The following FAF1 variants were observed in gnomAD, a reference collection of about 807,000 sequenced individuals.
FAF1 encodes Fas associated factor 1.
FAF1 carries 25 observed loss-of-function variants against 92.5 expected under a neutral mutation model. The ratio of observed to expected loss-of-function variants is 0.27; its 90% CI spans 0.20 to 0.38. The LOEUF (loss-of-function observed/expected upper bound fraction) is 0.38, where lower values mean the gene tolerates loss of function less well. FAF1 is among the 10% of genes least tolerant of loss of function. The probability of loss-of-function intolerance (pLI) is 1.00; values close to 1 mark genes in which losing one functional copy is unlikely to be tolerated. For missense variants in FAF1, 636 were observed against 793.3 expected, an observed-to-expected ratio of 0.80 and a Z score of 2.38; for synonymous variants, 234 against 273.2, an observed-to-expected ratio of 0.86 and a Z score of 1.42.
At chr1:50,661,684 G>A (rs1306531189) in intron 7 of FAF1, among the ~76,000 whole-genome samples, 1 of 152,156 alleles carries the variant, frequency 6.6e-6, no homozygotes, top group African/African-American at 2.4e-5. Flanking sequence ...GAGCAAATAA[G>A]TATTTGTATG....
At chr1:50,913,930 A>G (rs373184788) in intron 1 of FAF1, among the ~76,000 whole-genome samples, 1 of 152,176 alleles carries the variant, frequency 6.6e-6, no homozygotes, top group South Asian at 2.1e-4. Context: ...TTTTTCAGGT[A>G]TCCTACCAGG....
chr1:50,708,824 T>C (rs2124429826), intron 6 of FAF1, among the ~76,000 whole-genome samples: 2 of 152,074 alleles, frequency 1.3e-5, no homozygotes, highest in Middle Eastern at 6.8e-3. Context: ...CTGTTTCAAA[T>C]AGGAGGGTGG....
intron 1 of FAF1, among the ~76,000 whole-genome samples, chr1:50,888,622 G>A (rs528867006): frequency 3.1e-4 from 46 of 147,938 alleles, no homozygotes; most frequent in African/African-American, 1.0e-3. Context: ...TTTCTGCATC[G>A]ATTAGGTTTT....
At chr1:50,683,344 T>C (rs972649145) in intron 7 of FAF1, among the ~76,000 whole-genome samples, 4 of 151,878 alleles carry the variant, frequency 2.6e-5, no homozygotes, top group East Asian at 1.9e-4. Context: ...CTGGCCAACA[T>C]GGTGAAGCCT....
intron 18 of FAF1, among the ~76,000 whole-genome samples, chr1:50,442,785 G>A (rs916359470): frequency 4.6e-5 from 7 of 152,228 alleles, no homozygotes; most frequent in Admixed American, 6.5e-5. Flanking sequence ...GCAAGGGGAA[G>A]GGGAAACTAT....
intron 1 of FAF1, among the ~76,000 whole-genome samples, chr1:50,862,389 T>C (rs1423016983): frequency 6.6e-6 from 1 of 151,780 alleles, no homozygotes; most frequent in Non-Finnish European, 1.5e-5. Context: ...TAGAGAACGC[T>C]GGATAGAGAG....
At chr1:50,952,986 G>C (rs1315757067) in intron 1 of FAF1, among the ~76,000 whole-genome samples, 2 of 152,242 alleles carry the variant, frequency 1.3e-5, no homozygotes, top group African/African-American at 4.8e-5. Flanking sequence ...AGAGAGATGG[G>C]ATTGTTGCTG....
At chr1:50,953,221 C>G (rs1195631656) in intron 1 of FAF1, among the ~76,000 whole-genome samples, 1 of 151,944 alleles carries the variant, frequency 6.6e-6, no homozygotes, top group Non-Finnish European at 1.5e-5. Context: ...CATCACCACT[C>G]CCTAATCTCA....
chr1:50,779,061 T>A (rs75971201), intron 4 of FAF1, among the ~76,000 whole-genome samples: 4,669 of 152,300 alleles, frequency 0.031, 249 homozygotes, highest in African/African-American at 0.11. Flanking sequence ...TGTTTATGCA[T>A]AGCGTCTTCA....
intron 1 of FAF1, among the ~76,000 whole-genome samples, chr1:50,907,672 T>C (rs1252107327): frequency 6.6e-6 from 1 of 152,220 alleles, no homozygotes; most frequent in Non-Finnish European, 1.5e-5. Context: ...TTCATAGAGT[T>C]GTTTATAGTA....
At chr1:50,614,616 G>T (rs1471920593) in intron 8 of FAF1, among the ~76,000 whole-genome samples, 3 of 152,098 alleles carry the variant, frequency 2.0e-5, no homozygotes, top group Admixed American at 6.5e-5. Context: ...AAGGTGGGCG[G>T]ATTACCTAAG....
intron 8 of FAF1, among the ~76,000 whole-genome samples, chr1:50,615,678 G>C (rs1291495182): frequency 6.6e-6 from 1 of 152,028 alleles, no homozygotes; most frequent in Non-Finnish European, 1.5e-5. Flanking sequence ...AGAAATGTCT[G>C]TTTATATCCT....
At chr1:50,543,557 G>A (rs909591058) in intron 13 of FAF1, among the ~76,000 whole-genome samples, 2 of 152,120 alleles carry the variant, frequency 1.3e-5, no homozygotes, top group African/African-American at 4.8e-5. Context: ...ACTTGGACTT[G>A]TGCCTAAAAT....
intron 4 of FAF1, among the ~76,000 whole-genome samples, chr1:50,769,616 C>G (rs1179005012): frequency 6.6e-6 from 1 of 152,186 alleles, no homozygotes; most frequent in East Asian, 1.9e-4. Context: ...GGACTTTATC[C>G]CTGGGATGCA....
At position 50,781,791 on chromosome 1, in the gene FAF1, TTAAG is replaced by T. The variant is rs546534658; in HGVS notation, c.367+6205_367+6208del. 1.8e-4 allele frequency among the ~76,000 whole-genome samples: 28 copies of T among 152,310 alleles called. 2 individuals are homozygous for T. The South Asian group carries it at 5.6e-3, about 30-fold the overall frequency. On this transcript the variant is annotated intron_variant, in intron 4 of 18. Coordinates refer to ENST00000396153, the MANE Select transcript of FAF1 (RefSeq NM_007051.3). ...TAAACTTAAGATGACTGAAATCATATTAAGTGTCCTTCGCAACCAAAATAAAATG... is the reference window on the plus strand; with the variant it reads ...TAAACTTAAGATGACTGAAATCATATTGTCCTTCGCAACCAAAATAAAATG...
At chr1:50,744,566 T>G (rs554717939) in intron 5 of FAF1, 118 bp downstream of exon 5, 1 of 676,308 alleles carries the variant, frequency 1.5e-6, no homozygotes, top group East Asian at 2.7e-5. Flanking sequence ...ACTAAATTAC[T>G]ATTGCCAAAT....
intron 3 of FAF1, among the ~76,000 whole-genome samples, chr1:50,799,655 T>C (rs1661898976): frequency 6.6e-6 from 1 of 152,214 alleles, no homozygotes; most frequent in African/African-American, 2.4e-5. Context: ...CATGAGAATA[T>C]TGCTTTATAT....
intron 2 of FAF1, among the ~76,000 whole-genome samples, chr1:50,806,491 GC>G (rs1403083754): frequency 5.3e-5 from 8 of 152,186 alleles, no homozygotes; most frequent in Admixed American, 1.3e-4. Context: ...ACATACCACA[GC>G]CCTGCTTCCA....
chr1:50,582,467 A>T (rs1457812441), intron 12 of FAF1, 151 bp downstream of exon 12: 2 of 602,142 alleles, frequency 3.3e-6, no homozygotes, highest in Non-Finnish European at 6.0e-6. Flanking sequence ...AGCATGGCCC[A>T]TGCACAATGA....
Sources: gnomAD v4.1 joint callset for allele counts (sites outside exome capture counted in the v4.1 genomes callset) on GRCh38, gnomAD v4.1.1 for gene constraint, MANE v1.5 for transcripts, NCBI Gene and HGNC (gene_info 2026-07-23, HGNC 2026-07-21) for gene names.